MADD: variants seen among roughly 807,000 people sequenced by gnomAD.
The protein encoded by MADD is MAP kinase-activating death domain protein.
MADD carries 109 observed loss-of-function variants against 176.7 expected under a neutral mutation model. The ratio of observed to expected loss-of-function variants is 0.62; its 90% CI spans 0.53 to 0.72. The LOEUF is 0.72. MADD is among the 30% of genes least tolerant of loss of function. MADD has a pLI of 0.00. For synonymous variants in MADD, 771 were observed against 771.3 expected (o/e 1.00, Z 0.01); for missense variants, 1,914 against 2,045.5 (o/e 0.94, Z 1.24).
chr11:47,326,908 T>C, intron 31 of MADD, 101 bp downstream of exon 35: 1 of 1,543,806 alleles, frequency 6.5e-7, no homozygotes, highest in East Asian at 2.3e-5. Flanking sequence ...GAAGAACCTC[T>C]GTAGAGAAGT....
intron 26 of MADD, 78 bp downstream of exon 29, chr11:47,311,920 C>T (rs1324347643): frequency 1.4e-5 from 12 of 855,192 alleles, no homozygotes; most frequent in African/African-American, 8.4e-5. Context: ...CAGTTCACCC[C>T]GTTTTTGAAA....
rs974585228 is a variant in MADD at position 47,325,646 on chromosome 11, T to C, written c.4542+1069T>C. On this transcript the variant is annotated intron_variant, in intron 30 of 32. Coordinates refer to ENST00000402192, the Ensembl canonical transcript of MADD. The surrounding 1 kb of genome is among the most constrained non-coding windows in gnomAD (Gnocchi z 4.5). ...GGGCAGTAGCCAACCCCAAAGACCT[T>C]AGGACCATCCCAGAGAGGGGTCTAC... 6.6e-6 allele frequency among the ~76,000 whole-genome samples: 1 copy of C among 152,264 alleles called. No individual in the cohort carries two copies. Among genetic ancestry groups the C allele is most frequent in the Non-Finnish European group, 1.5e-5 (1 of 68,046 alleles).
At chr11:47,286,731 C>T (rs2060889830) in intron 15 of MADD, among the ~76,000 whole-genome samples, 197 bp downstream of exon 15, 1 of 152,104 alleles carries the variant, frequency 6.6e-6, no homozygotes, top group South Asian at 2.1e-4. Flanking sequence ...TAGAGACGGC[C>T]CTGTTATGTC....
At chr11:47,326,846 G>C (rs776215637) in intron 31 of MADD, 39 bp downstream of exon 35, 2 of 1,612,910 alleles carry the variant, frequency 1.2e-6, no homozygotes, top group Non-Finnish European at 8.5e-7. Flanking sequence ...GGACTCACAT[G>C]GCAGTAACTC....
chr11:47,276,725 A>G lies in MADD; in HGVS notation c.964-7A>G. 8.7e-6 allele frequency: 14 copies of G among 1,614,060 alleles called. No individual in the cohort carries two copies. Among genetic ancestry groups the G allele is most frequent in the Non-Finnish European group, 9.3e-6 (11 of 1,179,962 alleles). ...TGGAGTGATTCTTACTGGATGGCTC[A>G]TGACAGGTGGTGCTACAGTCCCGAG... On this transcript the variant is annotated splice_region_variant and splice_polypyrimidine_tract_variant and intron_variant, in intron 4 of 32. Coordinates refer to ENST00000402192, the Ensembl canonical transcript of MADD.
At chr11:47,303,039 T>C (rs76881184) in intron 22 of MADD, among the ~76,000 whole-genome samples, 5 of 152,172 alleles carry the variant, frequency 3.3e-5, no homozygotes, top group African/African-American at 1.2e-4. Flanking sequence ...ATTTTTTTTT[T>C]CATGTCTGGG....
Position 47,275,979 on chromosome 11 carries a change from T to C in MADD, c.740T>C (p.Ile247Thr), listed in dbSNP as rs375645598. The change falls in exon 4 of 33, where the codon ATT becomes ACT. Residue 247 changes from isoleucine (I) to threonine (T), a missense_variant. Ile to Thr is a moderately conservative substitution (Grantham distance 89). Transcript: ENST00000402192. ...GCCCTTCTGCATGACCTTCGAGAGA[T>C]TGAGGCCTGGATCTATCGATTGCTG... is the stretch of plus-strand genomic sequence containing the variant. The C allele has an allele frequency of 2.4e-5, 39 of 1,614,074 alleles. No individual in the cohort carries two copies. Among genetic ancestry groups the C allele is most frequent in the Non-Finnish European group, 3.0e-5 (35 of 1,180,038 alleles).
intron 22 of MADD, among the ~76,000 whole-genome samples, chr11:47,305,800 G>A (rs2082173379): frequency 6.6e-6 from 1 of 152,160 alleles, no homozygotes; most frequent in Non-Finnish European, 1.5e-5. Flanking sequence ...CAGGGTACTG[G>A]AGTTGTTTGG....
At chr11:47,296,761 G>GTTTTTTTTTTTTTTTTTTTT (rs1386329077) in intron 22 of MADD, among the ~76,000 whole-genome samples, 1 of 116,106 alleles carries the variant, frequency 8.6e-6, no homozygotes, top group Non-Finnish European at 1.8e-5. Context: ...TCTGTTTTTT[G>GTTTTTTTTTTTTTTTTTTTT]TTGTTTTTTT....
rs1565585052 is a variant in MADD at position 47,325,005 on chromosome 11, G to A, written c.4542+428G>A. On this transcript the variant is annotated intron_variant, in intron 30 of 32. Coordinates refer to ENST00000402192, the Ensembl canonical transcript of MADD. The surrounding 1 kb of genome is among the most constrained non-coding windows in gnomAD (Gnocchi z 4.5). ...TCTGGTGTGCGTGCAGCTTGCGTGTGCGTGCGTGCGTGCCTGCGTGCTTGT... is the reference window on the plus strand; with the variant it reads ...TCTGGTGTGCGTGCAGCTTGCGTGTACGTGCGTGCGTGCCTGCGTGCTTGT... 1.9e-6 allele frequency: 1 copy of A among 519,318 alleles called. No homozygotes were observed. 32.2% of individuals were successfully genotyped at this position (519,318 alleles called of 1,614,324 possible). A position where few individuals can be genotyped will look rare whatever the true frequency, so the allele number is the denominator to read the frequency against.
intron 27 of MADD, among the ~76,000 whole-genome samples, chr11:47,322,589 G>A (rs911517947): frequency 1.3e-5 from 2 of 152,120 alleles, no homozygotes; most frequent in African/African-American, 4.8e-5. Flanking sequence ...TCCAGCCTGG[G>A]CGACAGAGCG....
In MADD at chr11:47,311,629, A is replaced by G. The variant is rs2089341549; in HGVS notation, c.3979-103A>G. 6.9e-6 allele frequency: 5 copies of G among 724,822 alleles called. No homozygotes were observed. The East Asian group carries it at 7.6e-5, about 11-fold the overall frequency. The allele number at this position is 724,822 out of a possible 1,614,324, so 44.9% of individuals were successfully genotyped here. A position where few individuals can be genotyped will look rare whatever the true frequency, so the allele number is the denominator to read the frequency against. On this transcript the variant is annotated intron_variant, in intron 25 of 32. Transcript: ENST00000402192. ...CAGTGATGTGGTCTTTCAGAATTCC[A>G]CTTCTCTCAGATGGTGGGAAGCCCA...
chr11:47,283,812 A>G (rs1295079251), intron 10 of MADD, among the ~76,000 whole-genome samples: 7 of 152,066 alleles, frequency 4.6e-5, no homozygotes, highest in East Asian at 1.9e-4. Flanking sequence ...CCTTCAAGCA[A>G]TTCGCCTGCC....
At chr11:47,314,724 G>A (rs1359731058) in intron 26 of MADD, among the ~76,000 whole-genome samples, 1 of 152,114 alleles carries the variant, frequency 6.6e-6, no homozygotes, top group Non-Finnish European at 1.5e-5. Context: ...TATCTCTGAG[G>A]TCAAGTTTTT....
chr11:47,319,256 C>T (rs1337736199), intron 27 of MADD, among the ~76,000 whole-genome samples: 2 of 150,896 alleles, frequency 1.3e-5, no homozygotes, highest in Non-Finnish European at 3.0e-5. Flanking sequence ...CTCAGACTCC[C>T]GAGTAGCTGG....
At chr11:47,312,775 A>C (rs1594727737) in intron 26 of MADD, among the ~76,000 whole-genome samples, 1 of 152,202 alleles carries the variant, frequency 6.6e-6, no homozygotes, top group African/African-American at 2.4e-5. Context: ...GTGCTTGTAA[A>C]TGTCCTTGAA....
chr11:47,298,101 A>T (rs2074547541), intron 22 of MADD, among the ~76,000 whole-genome samples: 1 of 152,170 alleles, frequency 6.6e-6, no homozygotes, highest in African/African-American at 2.4e-5. Flanking sequence ...TTTACATATT[A>T]GTTCAACCTT....
intron 1 of MADD, chr11:47,271,079 C>G (rs1380434013): frequency 1.3e-5 from 2 of 152,210 alleles, no homozygotes; most frequent in Non-Finnish European, 2.9e-5. Flanking sequence ...CTAAATCTAC[C>G]TCTGGGTGGA....
intron 31 of MADD, chr11:47,327,261 G>A (rs1011305129): frequency 1.0e-5 from 10 of 993,960 alleles, no homozygotes; most frequent in East Asian, 1.1e-4. Flanking sequence ...GGCACCGGGC[G>A]TCGCAGGCAG....
Sources: allele counts gnomAD v4.1 joint callset (sites outside exome capture counted in the v4.1 genomes callset), GRCh38; gene constraint gnomAD v4.1.1; non-coding constraint Gnocchi (gnomAD v3.1); transcripts MANE v1.5; gene names NCBI Gene and HGNC (gene_info 2026-07-23, HGNC 2026-07-21).